The following MAST4 variants were observed in gnomAD, a reference collection of about 807,000 sequenced individuals.
MAST4 encodes microtubule-associated serine/threonine-protein kinase 4.
A neutral mutation model predicts 162.7 loss-of-function variants in MAST4; 89 were observed. The ratio of observed to expected loss-of-function variants is 0.55; its 90% confidence interval spans 0.46 to 0.65. The LOEUF (loss-of-function observed/expected upper bound fraction) is 0.65. Ranked by LOEUF, MAST4 falls within the 30% of genes least tolerant of loss-of-function variation. MAST4 has a pLI of 0.00. For synonymous variants in MAST4, 1,479 were observed against 1,361.1 expected, an observed-to-expected ratio of 1.09 and a Z score of -1.91; for missense variants, 3,153 against 3,374.0, an observed-to-expected ratio of 0.93 and a Z score of 1.62.
chr5:67,136,768 CTGT>C, intron 19 of MAST4, 104 bp downstream of exon 19: 1 of 800,908 alleles, frequency 1.2e-6, no homozygotes, highest in Non-Finnish European at 2.1e-6. Context: ...TAGGCAACAT[CTGT>C]TAGTTGATGT....
chr5:66,664,068 A>G (rs374594705), intron 1 of MAST4, among the ~76,000 whole-genome samples: 212 of 152,268 alleles, frequency 1.4e-3, no homozygotes, highest in African/African-American at 4.7e-3. Flanking sequence ...GGAGGTACCA[A>G]GAGTTTCTGG....
intron 4 of MAST4, among the ~76,000 whole-genome samples, chr5:66,981,484 G>A (rs1748828485): frequency 6.6e-6 from 1 of 152,190 alleles, no homozygotes; most frequent in South Asian, 2.1e-4. Flanking sequence ...ATTTACTGCG[G>A]TGATGGAAGG....
chr5:67,131,693 G>C (rs1207850982), intron 15 of MAST4, 120 bp from the exon 16 acceptor site: 1 of 922,134 alleles, frequency 1.1e-6, no homozygotes, highest in Non-Finnish European at 1.6e-6. Flanking sequence ...CTCCAGTTGT[G>C]ACTATGATAT....
chr5:66,988,600 TA>T (rs1323985818), intron 4 of MAST4, among the ~76,000 whole-genome samples: 9 of 152,196 alleles, frequency 5.9e-5, no homozygotes, highest in African/African-American at 1.9e-4. Flanking sequence ...CTAAGGTACT[TA>T]GAGGTTAAGT....
At chr5:66,843,050 T>C (rs1183415726) in intron 3 of MAST4, among the ~76,000 whole-genome samples, 1 of 152,212 alleles carries the variant, frequency 6.6e-6, no homozygotes, top group East Asian at 1.9e-4. Flanking sequence ...TACATTTACA[T>C]ATACACCTTT....
chr5:66,917,857 T>G (rs868290493), intron 4 of MAST4, among the ~76,000 whole-genome samples: 48 of 152,094 alleles, frequency 3.2e-4, no homozygotes, highest in Admixed American at 1.4e-3. Flanking sequence ...TTTCATGACT[T>G]TTTTTAGCCA....
chr5:67,002,328 G>A (rs989411114), intron 4 of MAST4, among the ~76,000 whole-genome samples: 1 of 152,106 alleles, frequency 6.6e-6, no homozygotes, highest in African/African-American at 2.4e-5. Flanking sequence ...TGCATCTTAA[G>A]AGAAATAAGA....
chr5:66,924,454 C>T (rs1005585004), intron 4 of MAST4, among the ~76,000 whole-genome samples: 2 of 149,790 alleles, frequency 1.3e-5, no homozygotes, highest in South Asian at 2.1e-4. Flanking sequence ...AGTGCAGTGG[C>T]GCGATCTCGG....
chr5:66,638,205 C>A (rs1745246819), intron 1 of MAST4, among the ~76,000 whole-genome samples: 1 of 152,170 alleles, frequency 6.6e-6, no homozygotes, highest in African/African-American at 2.4e-5. Context: ...ATTCCTTTGG[C>A]AGTCTGGGCA....
At position 66,850,277 on chromosome 5, in the gene MAST4, G is replaced by A. The variant is rs535495570; in HGVS notation, c.643-49674G>A. On this transcript the variant is annotated intron_variant, in intron 3 of 28. Coordinates refer to ENST00000403625, the MANE Select transcript of MAST4 (RefSeq NM_001164664.2). ...ATCTAGCTTCATTACTTCATCTTTCGGTTAAGAACACTGAATTTCAGAGAA... is the reference window on the plus strand; with the variant it reads ...ATCTAGCTTCATTACTTCATCTTTCAGTTAAGAACACTGAATTTCAGAGAA... Among the ~76,000 whole-genome samples the A allele has an allele frequency of 5.9e-5, 9 of 152,174 alleles. No homozygotes were observed. In the South Asian group the frequency reaches 1.2e-3, roughly 21 times the overall value.
At chr5:66,908,173 A>C (rs1305458371) in intron 4 of MAST4, among the ~76,000 whole-genome samples, 1 of 152,244 alleles carries the variant, frequency 6.6e-6, no homozygotes, top group Non-Finnish European at 1.5e-5. Flanking sequence ...TTATGTATTC[A>C]TCGAATAGCC....
chr5:67,094,334 C>T (rs1040348304), intron 6 of MAST4, among the ~76,000 whole-genome samples: 11 of 152,120 alleles, frequency 7.2e-5, no homozygotes, highest in East Asian at 1.9e-4. Context: ...CAGTTTTTTA[C>T]GTTAACATCT....
At chr5:66,808,417 TA>T (rs1756312678) in intron 3 of MAST4, among the ~76,000 whole-genome samples, 1 of 152,192 alleles carries the variant, frequency 6.6e-6, no homozygotes, top group African/African-American at 2.4e-5. Context: ...TAGCCCCTAT[TA>T]ACTAAATTAG....
intron 4 of MAST4, among the ~76,000 whole-genome samples, chr5:66,952,880 T>C (rs1201074477): frequency 1.3e-5 from 2 of 152,166 alleles, no homozygotes; most frequent in Admixed American, 6.5e-5. Context: ...CCACTGCCCA[T>C]CATCCTGTGA....
At chr5:66,788,084 C>T (rs1242280687) in intron 2 of MAST4, among the ~76,000 whole-genome samples, 1 of 152,092 alleles carries the variant, frequency 6.6e-6, no homozygotes, top group Non-Finnish European at 1.5e-5. Flanking sequence ...CTCAGTGAAC[C>T]TAGACTGACA....
At chr5:67,114,294 G>T (rs1017055562) in intron 12 of MAST4, 75 bp downstream of exon 12, 3 of 1,510,592 alleles carry the variant, frequency 2.0e-6, no homozygotes, top group Admixed American at 2.5e-5. Flanking sequence ...TAAGTGGCAA[G>T]TCTTTATTTT....
At chr5:66,771,437 C>T (rs1352405871) in intron 2 of MAST4, among the ~76,000 whole-genome samples, 2 of 152,190 alleles carry the variant, frequency 1.3e-5, no homozygotes, top group East Asian at 3.9e-4. Flanking sequence ...CCTCCCGCCT[C>T]AGCCTCCCAA....
intron 26 of MAST4, among the ~76,000 whole-genome samples, chr5:67,156,923 G>C (rs1444678317): frequency 2.0e-5 from 3 of 152,178 alleles, no homozygotes; most frequent in Non-Finnish European, 4.4e-5. Flanking sequence ...ATTCAATTCC[G>C]GCAACTTGAA....
intron 4 of MAST4, chr5:66,930,698 A>G (rs1742097607): frequency 4.3e-6 from 2 of 470,586 alleles, no homozygotes; most frequent in South Asian, 3.1e-5. Context: ...GAAGCAGGAA[A>G]GTAAAGAGCT....
Sources: gnomAD v4.1 joint callset for allele counts (sites outside exome capture counted in the v4.1 genomes callset) on GRCh38, gnomAD v4.1.1 for gene constraint, MANE v1.5 for transcripts, NCBI Gene and HGNC (gene_info 2026-07-23, HGNC 2026-07-21) for gene names.